CACNG1: variants seen among roughly 807,000 people sequenced by gnomAD.
CACNG1 encodes the protein calcium voltage-gated channel auxiliary subunit gamma 1.
A neutral mutation model predicts 22.0 loss-of-function variants in CACNG1; 21 were observed. The ratio of observed to expected loss-of-function variants is 0.95; its 90% CI spans 0.68 to 1.37. The LOEUF (loss-of-function observed/expected upper bound fraction) is 1.37. CACNG1 is among the 40% of genes most tolerant of loss of function. The probability of loss-of-function intolerance (pLI) is 0.00; values close to 1 mark genes in which losing one functional copy is unlikely to be tolerated. For missense variants in CACNG1, 291 were observed against 308.6 expected (o/e 0.94, Z 0.43); for synonymous variants, 127 against 129.2 (o/e 0.98, Z 0.12).
At position 67,054,888 on chromosome 17, in the gene CACNG1, ATGACACACAATGACACACACAGACAC is replaced by A. The variant is rs373101515; in HGVS notation, c.305-205_305-180del. Among the ~76,000 whole-genome samples the A allele has an allele frequency of 9.4e-3, 1,418 of 151,350 alleles. 19 individuals are homozygous for A. Among genetic ancestry groups the A allele is most frequent in the African/African-American group, 0.033 (1,339 of 41,122 alleles). ...CAGAGACACACACTGACACATATGCATGACACACAATGACACACACAGACACTGACACACACACAGATACACACATA... is the reference window on the plus strand; with the variant it reads ...CAGAGACACACACTGACACATATGCATGACACACACACAGATACACACATA... On this transcript the variant is annotated intron_variant, in intron 2 of 3. Transcript: ENST00000226021. The surrounding 1 kb of genome is among the most constrained non-coding windows in gnomAD (Gnocchi z 4.6).
chr17:67,054,665 GAC>G lies in CACNG1; in HGVS notation c.305-434_305-433del, dbSNP rs935185950. Among the ~76,000 whole-genome samples the G allele has an allele frequency of 2.0e-5, 3 of 149,062 alleles. No homozygotes were observed. Among genetic ancestry groups the G allele is most frequent in the South Asian group, 2.2e-4 (1 of 4,562 alleles). ...AGATACACACACACGACACACACAA[GAC>G]ACAGACGCACAGAGACACTGACACA... On this transcript the variant is annotated intron_variant, in intron 2 of 3. Coordinates refer to ENST00000226021, the MANE Select transcript of CACNG1 (RefSeq NM_000727.4). The surrounding 1 kb of genome is among the most constrained non-coding windows in gnomAD (Gnocchi z 4.6).
chr17:67,044,919 C>T lies in CACNG1; in HGVS notation c.229+30C>T. 1 of 1,552,034 alleles carries T rather than the reference C, an allele frequency of 6.4e-7. No homozygotes were observed. On this transcript the variant is annotated intron_variant, in intron 1 of 3. Coordinates refer to ENST00000226021, the MANE Select transcript of CACNG1 (RefSeq NM_000727.4). This position sits in a 1 kb window ranked among gnomAD's most constrained non-coding sequence, Gnocchi z 6.9. ...CGTACCCACCCTCCGTCCCGATCCC[C>T]ACCTCCTGCTCTTCCCCGTCATCCC... is the stretch of plus-strand genomic sequence containing the variant.
At chr17:67,053,950 C>A in intron 1 of CACNG1, 46 bp from the exon 2 acceptor site, 1 of 1,441,030 alleles carries the variant, frequency 6.9e-7, no homozygotes, top group Non-Finnish European at 9.8e-7. Flanking sequence ...TCTGTCCTTG[C>A]TACGGGTTGC....
chr17:67,051,328 G>T (rs2035726910), intron 1 of CACNG1, among the ~76,000 whole-genome samples: 1 of 152,110 alleles, frequency 6.6e-6, no homozygotes. Flanking sequence ...GGCCTGATTT[G>T]TCCTAAATGA....
Position 67,044,608 on chromosome 17 carries a change from A to G in CACNG1, c.-53A>G. On this transcript the variant is annotated 5_prime_UTR_variant, in exon 1 of 4. Transcript: ENST00000226021. The surrounding 1 kb of genome is among the most constrained non-coding windows in gnomAD (Gnocchi z 6.9). ...CCAAGCTCGGCTTGTCACCTGCCCT[A>G]GGAGACGCAGCCGCCGGACCCTGCC... 8.1e-7 allele frequency: 1 copy of G among 1,237,054 alleles called. No individual in the cohort carries two copies. The highest frequency in any genetic ancestry group is 1.2e-6 in the Non-Finnish European group (1 of 855,692). 76.6% of individuals were successfully genotyped at this position (1,237,054 alleles called of 1,614,324 possible). A position where few individuals can be genotyped will look rare whatever the true frequency, so the allele number is the denominator to read the frequency against.
At chr17:67,052,755 T>C (rs1472442665) in intron 1 of CACNG1, among the ~76,000 whole-genome samples, 1 of 151,568 alleles carries the variant, frequency 6.6e-6, no homozygotes, top group African/African-American at 2.4e-5. Context: ...AGATAAACCG[T>C]ATTTAGCAAG....
chr17:67,044,791 C>G lies in CACNG1; in HGVS notation c.131C>G (p.Thr44Ser). Residue 44 changes from threonine (T) to serine (S), a missense_variant, in exon 1 of 4, where the codon ACT becomes AGT. By Grantham distance (58) the Thr-to-Ser change is moderately conservative. Coordinates refer to ENST00000226021, the MANE Select transcript of CACNG1 (RefSeq NM_000727.4). This position sits in a 1 kb window ranked among gnomAD's most constrained non-coding sequence, Gnocchi z 6.9. Reference sequence around the variant, plus strand: ...AGCCCCCACATGGAGCACCACAACACTACCTGCGAGGCGGCCCACTTCGGC... The same window carrying G: ...AGCCCCCACATGGAGCACCACAACAGTACCTGCGAGGCGGCCCACTTCGGC... ...VLSPHMEHHN[T>S]TCEAAHFGLW... is the part of the protein sequence containing the mutation. The G allele has an allele frequency of 6.2e-7, 1 of 1,613,462 alleles. No homozygotes were observed.
Position 67,044,628 on chromosome 17 carries a change from C to A in CACNG1, c.-33C>A. The A allele has an allele frequency of 6.7e-7, 1 of 1,496,442 alleles. No individual in the cohort carries two copies. Among genetic ancestry groups the A allele is most frequent in the South Asian group, 1.1e-5 (1 of 88,688 alleles). The allele number at this position is 1,496,442 out of a possible 1,614,324, so 92.7% of individuals were successfully genotyped here. On this transcript the variant is annotated 5_prime_UTR_variant, in exon 1 of 4. Coordinates refer to ENST00000226021, the MANE Select transcript of CACNG1 (RefSeq NM_000727.4). The surrounding 1 kb of genome is among the most constrained non-coding windows in gnomAD (Gnocchi z 6.9). ...GCCCTAGGAGACGCAGCCGCCGGAC[C>A]CTGCCCAGGGCACCCACGCCTCGGC...
At chr17:67,048,774 T>G (rs2143411003) in intron 1 of CACNG1, among the ~76,000 whole-genome samples, 1 of 152,214 alleles carries the variant, frequency 6.6e-6, no homozygotes, top group Middle Eastern at 3.4e-3. Context: ...AAAAGTACAA[T>G]AACTAAAATG....
At chr17:67,048,118 C>T (rs939188650) in intron 1 of CACNG1, among the ~76,000 whole-genome samples, 18 of 151,972 alleles carry the variant, frequency 1.2e-4, no homozygotes, top group African/African-American at 3.4e-4. Flanking sequence ...AAACAAACAA[C>T]GGGAACAAAT....
At position 67,054,867 on chromosome 17, in the gene CACNG1, GACAC is replaced by G. The variant is rs1167598115; in HGVS notation, c.305-231_305-228del. ...ACACACGTACAATGACAGACACAGA[GACAC>G]ACACTGACACATATGCATGACACAC... On this transcript the variant is annotated intron_variant, in intron 2 of 3. Transcript: ENST00000226021. The surrounding 1 kb of genome is among the most constrained non-coding windows in gnomAD (Gnocchi z 4.6). Among the ~76,000 whole-genome samples the G allele has an allele frequency of 6.7e-6, 1 of 148,834 alleles. No individual in the cohort carries two copies. Among genetic ancestry groups the G allele is most frequent in the African/African-American group, 2.5e-5 (1 of 40,070 alleles).
chr17:67,044,942 C>T lies in CACNG1; in HGVS notation c.229+53C>T. On this transcript the variant is annotated intron_variant, in intron 1 of 3. Coordinates refer to ENST00000226021, the MANE Select transcript of CACNG1 (RefSeq NM_000727.4). This position sits in a 1 kb window ranked among gnomAD's most constrained non-coding sequence, Gnocchi z 6.9. The stretch of plus-strand genomic sequence containing the variant: ...CCCACCTCCTGCTCTTCCCCGTCAT[C>T]CCCCTGGCAAAGTTGCCCTTGCGAA... 1 of 1,468,162 alleles carries T rather than the reference C, an allele frequency of 6.8e-7. No individual in the cohort carries two copies. The highest frequency in any genetic ancestry group is 1.8e-5 in the Admixed American group (1 of 54,848). The allele number at this position is 1,468,162 out of a possible 1,614,324, so 90.9% of individuals were successfully genotyped here.
rs190559932 is a variant in CACNG1 at position 67,048,533 on chromosome 17, C to A, written c.229+3644C>A. Among the ~76,000 whole-genome samples, 8 of 151,968 alleles carry A rather than the reference C, an allele frequency of 5.3e-5. No individual in the cohort carries two copies. In the East Asian group the frequency reaches 1.4e-3, roughly 26 times the overall value. On this transcript the variant is annotated intron_variant, in intron 1 of 3. Transcript: ENST00000226021. ...ACATACATAAATAATACAAGACACA[C>A]AAAGAACTAAAATGATAAGGGGCAT...
rs763399403 is a variant in CACNG1 at position 67,054,225 on chromosome 17, G to A, written c.304+155G>A. ...TGAACAACAGCCTTGTCAGCTCCCCGCTCCGGAGGCCCCAGGCAGCCGCCT... is the reference window on the plus strand; with the variant it reads ...TGAACAACAGCCTTGTCAGCTCCCCACTCCGGAGGCCCCAGGCAGCCGCCT... On this transcript the variant is annotated intron_variant, in intron 2 of 3. Coordinates refer to ENST00000226021, the MANE Select transcript of CACNG1 (RefSeq NM_000727.4). The surrounding 1 kb of genome is among the most constrained non-coding windows in gnomAD (Gnocchi z 4.6). Among the ~76,000 whole-genome samples, 18 of 152,154 alleles carry A rather than the reference G, an allele frequency of 1.2e-4. No homozygotes were observed. The highest frequency in any genetic ancestry group is 2.9e-4 in the African/African-American group (12 of 41,434).
At chr17:67,049,815 C>G (rs2035718183) in intron 1 of CACNG1, among the ~76,000 whole-genome samples, 1 of 152,170 alleles carries the variant, frequency 6.6e-6, no homozygotes, top group Admixed American at 6.5e-5. Flanking sequence ...GGCAGCTGGA[C>G]CAGAAGCTGG....
chr17:67,048,510 A>C (rs760732468), intron 1 of CACNG1, among the ~76,000 whole-genome samples: 8 of 152,096 alleles, frequency 5.3e-5, no homozygotes, highest in Non-Finnish European at 8.8e-5. Context: ...AAATAAATAC[A>C]TACATAAATA....
chr17:67,053,543 C>T (rs189827498), intron 1 of CACNG1, among the ~76,000 whole-genome samples: 1 of 152,334 alleles, frequency 6.6e-6, no homozygotes, highest in Non-Finnish European at 1.5e-5. Context: ...TGGCCTCTAC[C>T]GGCTGGGTGC....
rs936780482 is a variant in CACNG1, at chr17:67,055,628, A to T, written c.442+388A>T. ...CTGCAGCCTCGAACTCCTGGGTTCA[A>T]GGGTTCCTCCCGCCCCAGCCTCCTA... is the stretch of plus-strand genomic sequence containing the variant. On this transcript the variant is annotated intron_variant, in intron 3 of 3. Transcript: ENST00000226021. The surrounding 1 kb of genome is among the most constrained non-coding windows in gnomAD (Gnocchi z 4.5). Among the ~76,000 whole-genome samples, 11 of 152,178 alleles carry T rather than the reference A, an allele frequency of 7.2e-5. No individual in the cohort carries two copies. Among genetic ancestry groups the T allele is most frequent in the Non-Finnish European group, 1.3e-4 (9 of 68,030 alleles).
In CACNG1 at chr17:67,056,164, G is replaced by A. The variant is rs372713806; in HGVS notation, c.562G>A (p.Ala188Thr). 1.6e-5 allele frequency: 26 copies of A among 1,613,736 alleles called. No homozygotes were observed. Among genetic ancestry groups the A allele is most frequent in the East Asian group, 8.9e-5 (4 of 44,874 alleles). ...CTGGTCCTTTGCCTGCGCCTGTGCC[G>A]CCTTCATCCTCCTCTTTCTCGGCGG... ...YSWSFACACA[A>T]FILLFLGGLA... The change falls in exon 4 of 4, where the codon GCC becomes ACC. Residue 188 changes from alanine to threonine, a missense_variant. Physicochemically the swap from Ala to Thr is moderately conservative, Grantham distance 58 (BLOSUM62 0). Coordinates refer to ENST00000226021, the MANE Select transcript of CACNG1 (RefSeq NM_000727.4). This position sits in a 1 kb window ranked among gnomAD's most constrained non-coding sequence, Gnocchi z 4.3.
Sources: allele counts gnomAD v4.1 joint callset (sites outside exome capture counted in the v4.1 genomes callset), GRCh38; gene constraint gnomAD v4.1.1; non-coding constraint Gnocchi (gnomAD v3.1); transcripts MANE v1.5; gene names NCBI Gene and HGNC (gene_info 2026-07-23, HGNC 2026-07-21).